The following ADGRE3 variants were observed in gnomAD, a reference collection of about 807,000 sequenced individuals.
The protein encoded by ADGRE3 is adhesion G protein-coupled receptor E3.
A neutral mutation model predicts 80.1 loss-of-function variants in ADGRE3; 88 were observed. The ratio of observed to expected loss-of-function variants is 1.10; its 90% CI spans 0.93 to 1.31. ADGRE3 has a LOEUF of 1.31. ADGRE3 is among the 40% of genes most tolerant of loss of function. The probability of loss-of-function intolerance (pLI) is 0.00; values close to 1 mark genes in which losing one functional copy is unlikely to be tolerated. For synonymous variants in ADGRE3, 281 were observed against 294.8 expected (o/e 0.95, Z 0.48); for missense variants, 715 against 776.5 (o/e 0.92, Z 0.94).
In ADGRE3 at chr19:14,633,037, A is replaced by G. The variant is rs752513062; in HGVS notation, c.1552-25T>C. The G allele has an allele frequency of 1.3e-5, 20 of 1,568,048 alleles. 1 individual carries two copies. The South Asian group carries it at 1.7e-4, about 13-fold the overall frequency. ...CCTGCAGGACCAACACAAACAAGGC[A>G]GAGTGCAAGTTAAAGTAATGTATGG... On this transcript the variant is annotated intron_variant, in intron 12 of 15. Coordinates refer to ENST00000253673, the MANE Select transcript of ADGRE3 (RefSeq NM_032571.5).
At chr19:14,644,905 T>C (rs1440284326) in intron 8 of ADGRE3, among the ~76,000 whole-genome samples, 1 of 151,830 alleles carries the variant, frequency 6.6e-6, no homozygotes, top group African/African-American at 2.4e-5. Context: ...TTTGTATTTT[T>C]AGTAGAGATG....
At chr19:14,617,459 A>G (rs138413177), downstream of ADGRE3, among the ~76,000 whole-genome samples, 1,114 of 148,680 alleles carry the variant, frequency 7.5e-3, 14 homozygotes, top group African/African-American at 0.027. Context: ...GTGCAATGGC[A>G]TGATATTGAC....
intron 1 of ADGRE3, among the ~76,000 whole-genome samples, chr19:14,673,798 T>C (rs1007019496): frequency 6.6e-6 from 1 of 152,224 alleles, no homozygotes; most frequent in Non-Finnish European, 1.5e-5. Flanking sequence ...TTCATAGTGG[T>C]GAAGTCAGGG....
chr19:14,670,324 T>C (rs1334684478), intron 1 of ADGRE3, among the ~76,000 whole-genome samples: 4 of 152,078 alleles, frequency 2.6e-5, no homozygotes, highest in African/African-American at 9.7e-5. Flanking sequence ...TAAGCATGAG[T>C]GTCCCAGCTG....
rs35730102 is a variant in ADGRE3, at chr19:14,660,937, C to CTTT, written c.355+1023_355+1025dup. 5.4e-3 allele frequency among the ~76,000 whole-genome samples: 453 copies of CTTT among 83,398 alleles called. 3 individuals are homozygous for CTTT. Among genetic ancestry groups the CTTT allele is most frequent in the Non-Finnish European group, 6.2e-3 (283 of 45,432 alleles). The allele number at this position is 83,398 out of a possible 152,430, so 54.7% of individuals were successfully genotyped here. A position where few individuals can be genotyped will look rare whatever the true frequency, so the allele number is the denominator to read the frequency against. On this transcript the variant is annotated intron_variant, in intron 4 of 15. Coordinates refer to ENST00000253673, the MANE Select transcript of ADGRE3 (RefSeq NM_032571.5). ...TGGAGCGGGTTGGTGGTCATATTTC[C>CTTT]TTTTTTTTTTTTTTTTTTTTTTGAG...
At chr19:14,669,783 C>T (rs1012178992) in intron 1 of ADGRE3, among the ~76,000 whole-genome samples, 1 of 152,128 alleles carries the variant, frequency 6.6e-6, no homozygotes, top group Non-Finnish European at 1.5e-5. Context: ...AGCCACTCTG[C>T]CCAGCCCAAT....
intron 6 of ADGRE3, among the ~76,000 whole-genome samples, chr19:14,653,960 T>A (rs1381263242): frequency 6.0e-5 from 9 of 151,134 alleles, no homozygotes; most frequent in Admixed American, 4.0e-4. Context: ...TTTTTTTTTT[T>A]TTTTTAATTT....
At chr19:14,620,548 T>TATATATATAATA in intron 15 of ADGRE3, among the ~76,000 whole-genome samples, 1 of 24,976 alleles carries the variant, frequency 4.0e-5, no homozygotes, top group Non-Finnish European at 6.2e-5. Flanking sequence ...TATATATATA[T>TATATATATAATA]TATATATATA....
intron 15 of ADGRE3, among the ~76,000 whole-genome samples, chr19:14,620,412 A>G: frequency 8.6e-6 from 1 of 116,510 alleles, no homozygotes; most frequent in African/African-American, 3.4e-5. Context: ...ATATATATGT[A>G]TATTCATGTA....
At chr19:14,644,465 C>T (rs1454352871) in intron 8 of ADGRE3, among the ~76,000 whole-genome samples, 190 bp from the exon 9 acceptor site, 3 of 151,908 alleles carry the variant, frequency 2.0e-5, no homozygotes, top group Non-Finnish European at 2.9e-5. Flanking sequence ...GGATTACAGA[C>T]GTGCAGTACC....
At chr19:14,609,799 C>T in the ADGRE3 span, among the ~76,000 whole-genome samples, 5 of 151,640 alleles carry the variant, frequency 3.3e-5, no homozygotes, top group Admixed American at 6.6e-5. Flanking sequence ...GATCACGCCA[C>T]TGCACTCCAG....
chr19:14,665,934 GTGTATATATATATATATA>G (rs1972082398), intron 2 of ADGRE3, among the ~76,000 whole-genome samples: 1 of 8,750 alleles, frequency 1.1e-4, no homozygotes, highest in Non-Finnish European at 2.0e-4. Context: ...ACACACATAT[GTGTATATATATATATATA>G]TATATATATA....
In ADGRE3 at chr19:14,639,699, A is replaced by G. The variant is rs78675232; in HGVS notation, c.1249-1359T>C. ...CCAGTGTGCAGGGATTGCAGGTGTC[A>G]GCCACTGTGTCTGGCCCAAGGGATT... On this transcript the variant is annotated intron_variant, in intron 10 of 15. Coordinates refer to ENST00000253673, the MANE Select transcript of ADGRE3 (RefSeq NM_032571.5). Among the ~76,000 whole-genome samples, 195 of 152,284 alleles carry G rather than the reference A, an allele frequency of 1.3e-3. 1 individual carries two copies. The highest frequency in any genetic ancestry group is 4.6e-3 in the African/African-American group (191 of 41,578).
rs1555755833 is a variant in ADGRE3 at position 14,636,141 on chromosome 19, T to TTCCTTCCTTCCTTCCTTCCTTC, written c.1484+1963_1484+1964insGAAGGAAGGAAGGAAGGAAGGA. 9.0e-4 allele frequency among the ~76,000 whole-genome samples: 14 copies of TTCCTTCCTTCCTTCCTTCCTTC among 15,542 alleles called. 1 individual carries two copies. The highest frequency in any genetic ancestry group is 2.6e-3 in the East Asian group (2 of 762). The allele number at this position is 15,542 out of a possible 152,430, so 10.2% of individuals were successfully genotyped here. A position where few individuals can be genotyped will look rare whatever the true frequency, so the allele number is the denominator to read the frequency against. On this transcript the variant is annotated intron_variant, in intron 11 of 15. Transcript: ENST00000253673. ...TTCTTTCTTTCTTTCTTTCTTTCTTTCTTTCTTTCTTCCTTTCCTCCTTTC... is the reference window on the plus strand; with the variant it reads ...TTCTTTCTTTCTTTCTTTCTTTCTTTTCCTTCCTTCCTTCCTTCCTTCCTTTCTTTCTTCCTTTCCTCCTTTC...
rs1003061303 is a variant in ADGRE3, at chr19:14,674,837, C to T, written c.-67G>A. ...TCTCTACTGTGCCGTAAGCCAACCA[C>T]CTTTCCTAGCTCAAGAAATCCCATG... On this transcript the variant is annotated 5_prime_UTR_variant, in exon 1 of 16. The change creates a new upstream start codon in the 5' untranslated region. Coordinates refer to ENST00000253673, the MANE Select transcript of ADGRE3 (RefSeq NM_032571.5). 1.3e-6 allele frequency: 2 copies of T among 1,513,280 alleles called. No individual in the cohort carries two copies. Among genetic ancestry groups the T allele is most frequent in the Non-Finnish European group, 1.8e-6 (2 of 1,101,586 alleles). The allele number at this position is 1,513,280 out of a possible 1,614,324, so 93.7% of individuals were successfully genotyped here.
chr19:14,628,277 CAA>C (rs371415747), intron 14 of ADGRE3, among the ~76,000 whole-genome samples: 2 of 139,124 alleles, frequency 1.4e-5, no homozygotes, highest in African/African-American at 2.7e-5. Context: ...ACTAAAAATA[CAA>C]AAAAAAAAAA....
chr19:14,603,764 A>G, the ADGRE3 span, among the ~76,000 whole-genome samples: 68,435 of 151,680 alleles, frequency 0.45, 16,172 homozygotes, highest in African/African-American at 0.59. Flanking sequence ...CCGTGCCCTA[A>G]CCCATAGCTC....
chr19:14,647,291 C>G lies in ADGRE3; in HGVS notation c.772G>C (p.Asp258His), dbSNP rs780712065. ...IINATFFEEM[D>H]KKDQVYLNSQ... ...TTCAGATACACTTGATCTTTCTTATCCATCTCTTCAAAAAAAGTTGCATTT... is the reference window on the plus strand; with the variant it reads ...TTCAGATACACTTGATCTTTCTTATGCATCTCTTCAAAAAAAGTTGCATTT... The change falls in exon 8 of 16, where the codon GAT (aspartate) becomes CAT (histidine). Residue 258 changes from aspartate (D) to histidine (H), a missense_variant. Physicochemically the swap from Asp to His is moderately conservative, Grantham distance 81. Transcript: ENST00000253673. 6.2e-7 allele frequency: 1 copy of G among 1,613,044 alleles called. No homozygotes were observed. Among genetic ancestry groups the G allele is most frequent in the African/African-American group, 1.3e-5 (1 of 74,852 alleles).
At chr19:14,605,298 G>A in the ADGRE3 span, among the ~76,000 whole-genome samples, 1 of 151,836 alleles carries the variant, frequency 6.6e-6, no homozygotes, top group East Asian at 1.9e-4. Flanking sequence ...GTTTTGCCAC[G>A]TTGGCCAAGC....
Sources: allele counts gnomAD v4.1 joint callset (sites outside exome capture counted in the v4.1 genomes callset), GRCh38; gene constraint gnomAD v4.1.1; transcripts MANE v1.5; gene names NCBI Gene and HGNC (gene_info 2026-07-23, HGNC 2026-07-21).